The following STK38 variants were observed in gnomAD, a reference collection of about 807,000 sequenced individuals.
STK38 encodes the protein serine/threonine kinase 38.
A neutral mutation model predicts 59.0 loss-of-function variants in STK38; 26 were observed. That is an observed-to-expected ratio of 0.44 (90% CI 0.32 to 0.61). STK38 has a LOEUF of 0.61. Ranked by LOEUF, STK38 falls within the 20% of genes least tolerant of loss-of-function variation. STK38 has a pLI of 0.04. For missense variants in STK38, 433 were observed against 566.0 expected, an observed-to-expected ratio of 0.76 and a Z score of 2.38; for synonymous variants, 175 against 176.6, an observed-to-expected ratio of 0.99 and a Z score of 0.07.
chr6:36,517,614 T>C, intron 6 of STK38, 103 bp downstream of exon 6: 2 of 1,483,774 alleles, frequency 1.3e-6, no homozygotes, highest in East Asian at 2.3e-5. Context: ...AGAAAGCAAC[T>C]TTGTGAGCAC....
intron 7 of STK38, among the ~76,000 whole-genome samples, chr6:36,509,248 C>G (rs1309086233): frequency 6.6e-6 from 1 of 152,092 alleles, no homozygotes; most frequent in Non-Finnish European, 1.5e-5. Context: ...CTCAGGAGAC[C>G]CAAAGTGGGT....
intron 2 of STK38, among the ~76,000 whole-genome samples, chr6:36,539,623 T>C (rs1561993961): frequency 6.6e-6 from 1 of 152,114 alleles, no homozygotes; most frequent in Non-Finnish European, 1.5e-5. Context: ...AAGGAACTTA[T>C]TAGAGCTTCA....
intron 10 of STK38, among the ~76,000 whole-genome samples, chr6:36,498,876 C>G (rs983342140): frequency 2.6e-5 from 4 of 152,118 alleles, no homozygotes; most frequent in Non-Finnish European, 5.9e-5. Context: ...CAGGCATAAG[C>G]CACTGTGCCC....
chr6:36,532,638 A>C (rs1278617163), intron 2 of STK38, among the ~76,000 whole-genome samples: 1 of 152,066 alleles, frequency 6.6e-6, no homozygotes, highest in East Asian at 1.9e-4. Flanking sequence ...TAGGCCAAGC[A>C]CAGTGGCTCA....
chr6:36,510,203 A>C (rs975148033), intron 7 of STK38, among the ~76,000 whole-genome samples: 1 of 152,196 alleles, frequency 6.6e-6, no homozygotes, highest in Non-Finnish European at 1.5e-5. Context: ...AGGGGCATCT[A>C]CAGACCTGCA....
chr6:36,500,708 C>T (rs1461893271), intron 9 of STK38, among the ~76,000 whole-genome samples: 16 of 141,664 alleles, frequency 1.1e-4, no homozygotes, highest in African/African-American at 3.4e-4. Flanking sequence ...TGCAGTGAGC[C>T]GAGATCGTGC....
At chr6:36,515,281 G>T in intron 7 of STK38, 57 bp downstream of exon 7, 1 of 1,577,764 alleles carries the variant, frequency 6.3e-7, no homozygotes, top group Non-Finnish European at 8.6e-7. Flanking sequence ...AGGTGTTAAA[G>T]CAGAGGCTGC....
chr6:36,535,351 G>A (rs1777763860), intron 2 of STK38, among the ~76,000 whole-genome samples: 1 of 151,660 alleles, frequency 6.6e-6, no homozygotes. Flanking sequence ...TAGGAGGCTG[G>A]AGCAGGAGAA....
chr6:36,496,888 C>T, intron 12 of STK38, 83 bp from the exon 13 acceptor site: 1 of 987,348 alleles, frequency 1.0e-6, no homozygotes, highest in Non-Finnish European at 1.5e-6. Context: ...AAAAAAGACC[C>T]CTGGTCTGAC....
chr6:36,500,330 T>C (rs1293071716), intron 9 of STK38, among the ~76,000 whole-genome samples: 2 of 151,898 alleles, frequency 1.3e-5, no homozygotes, highest in Non-Finnish European at 1.5e-5. Flanking sequence ...TATAACTTCA[T>C]ATACATGAGT....
At chr6:36,513,317 CTTT>C (rs775876993) in intron 7 of STK38, among the ~76,000 whole-genome samples, 5 of 117,886 alleles carry the variant, frequency 4.2e-5, no homozygotes, top group African/African-American at 6.4e-5. Flanking sequence ...TGCGTCTGGC[CTTT>C]TTTTTTTTTT....
intron 6 of STK38, among the ~76,000 whole-genome samples, chr6:36,516,320 C>T (rs1777250237): frequency 6.6e-6 from 1 of 152,112 alleles, no homozygotes; most frequent in African/African-American, 2.4e-5. Context: ...CCTAACTCAA[C>T]AGTGAGAAAT....
chr6:36,544,548 A>G (rs892286501), intron 1 of STK38, among the ~76,000 whole-genome samples: 3 of 152,202 alleles, frequency 2.0e-5, no homozygotes, highest in African/African-American at 7.2e-5. Flanking sequence ...GAAATTGCAT[A>G]TATGTAGTTA....
Position 36,494,623 on chromosome 6 carries a change from C to G in STK38, c.*1161G>C, listed in dbSNP as rs1403804366. The G allele has an allele frequency of 2.0e-5, 3 of 152,616 alleles. No homozygotes were observed. The highest frequency in any genetic ancestry group is 4.4e-5 in the Non-Finnish European group (3 of 68,048). The allele number at this position is 152,616 out of a possible 1,614,324, so 9.5% of individuals were successfully genotyped here. ...GACCCTTTAGGGTGGGGAGGAGTAT[C>G]CCCCAGGAAGGCATCTGCAAAGGAA... On this transcript the variant is annotated 3_prime_UTR_variant, in exon 14 of 14. Coordinates refer to ENST00000229812, the MANE Select transcript of STK38 (RefSeq NM_007271.4).
At chr6:36,525,488 T>C (rs605684) in intron 3 of STK38, 103 bp downstream of exon 3, 381,352 of 1,050,112 alleles carry the variant, frequency 0.36, 75,479 homozygotes, top group African/African-American at 0.65. Flanking sequence ...TCCTCTGTTA[T>C]TGAGCCAAAA....
At chr6:36,500,023 G>A (rs1776799634) in intron 9 of STK38, 33 bp from the exon 10 acceptor site, 4 of 1,549,286 alleles carry the variant, frequency 2.6e-6, no homozygotes, top group Non-Finnish European at 3.6e-6. Context: ...GCGAGGCCCA[G>A]CCAGGCAGGA....
At chr6:36,514,842 T>TC (rs1214197463) in intron 7 of STK38, among the ~76,000 whole-genome samples, 3 of 116,902 alleles carry the variant, frequency 2.6e-5, no homozygotes, top group Admixed American at 8.9e-5. Flanking sequence ...GGGTGAGACT[T>TC]CATCTCAAAA....
chr6:36,532,762 G>A (rs1169545705), intron 2 of STK38, among the ~76,000 whole-genome samples: 2 of 152,102 alleles, frequency 1.3e-5, no homozygotes, highest in African/African-American at 4.8e-5. Context: ...AGCCAGGCAT[G>A]GTAGTCCATG....
Position 36,520,093 on chromosome 6 carries a change from A to G in STK38, c.390+1641T>C, listed in dbSNP as rs550297152. 2.0e-5 allele frequency among the ~76,000 whole-genome samples: 3 copies of G among 152,326 alleles called. No individual in the cohort carries two copies. In the South Asian group the frequency reaches 6.2e-4, roughly 32 times the overall value. ...CTTTTATCTAGCACAAAACCAATGC[A>G]TGCTTCTTCAAGATGGCTAAGCCAG... On this transcript the variant is annotated intron_variant, in intron 5 of 13. Coordinates refer to ENST00000229812, the MANE Select transcript of STK38 (RefSeq NM_007271.4).
Sources: allele counts gnomAD v4.1 joint callset (sites outside exome capture counted in the v4.1 genomes callset), GRCh38; gene constraint gnomAD v4.1.1; transcripts MANE v1.5; gene names NCBI Gene and HGNC (gene_info 2026-07-23, HGNC 2026-07-21).